The following RFX4 variants were observed in gnomAD, a reference collection of about 807,000 sequenced individuals.
RFX4 encodes the protein regulatory factor X4.
In RFX4, 10 loss-of-function variants were observed where a neutral mutation model predicts 95.0. That is an observed-to-expected ratio of 0.11 (90% CI 0.06 to 0.18). The LOEUF (loss-of-function observed/expected upper bound fraction) is 0.18, where lower values mean the gene tolerates loss of function less well. Ranked by LOEUF, RFX4 falls within the 10% of genes least tolerant of loss-of-function variation. The pLI, the probability that RFX4 is intolerant of heterozygous loss-of-function variation, is 1.00. For missense variants in RFX4, 640 were observed against 922.0 expected (o/e 0.69, Z 3.96); for synonymous variants, 321 against 340.7 (o/e 0.94, Z 0.64).
rs1365040920 is a variant in RFX4 at position 106,720,090 on chromosome 12, C to T, written c.1233+36C>T. 1.3e-6 allele frequency: 2 copies of T among 1,546,546 alleles called. No individual in the cohort carries two copies. The highest frequency in any genetic ancestry group is 2.2e-5 in the South Asian group (2 of 89,710). On this transcript the variant is annotated intron_variant, in intron 12 of 17. Transcript: ENST00000392842. This position sits in a 1 kb window ranked among gnomAD's most constrained non-coding sequence, Gnocchi z 4.2. ...CGGCACCTAGCGGGCAGCCTTGGGCCCTGCAGCCCACCACTGCCCTCTGTG... is the reference window on the plus strand; with the variant it reads ...CGGCACCTAGCGGGCAGCCTTGGGCTCTGCAGCCCACCACTGCCCTCTGTG...
chr12:106,615,990 T>A (rs1314204973), intron 2 of RFX4, among the ~76,000 whole-genome samples: 1 of 152,240 alleles, frequency 6.6e-6, no homozygotes, highest in African/African-American at 2.4e-5. Flanking sequence ...GGTTCTCTAG[T>A]GCAATTTTGA....
intron 1 of RFX4, among the ~76,000 whole-genome samples, chr12:106,587,771 CT>C (rs2039482630): frequency 6.6e-6 from 1 of 152,218 alleles, no homozygotes; most frequent in South Asian, 2.1e-4. Context: ...TTCTCACCCC[CT>C]ATCTCAAACC....
chr12:106,598,529 GT>G (rs1278320858), intron 1 of RFX4, among the ~76,000 whole-genome samples: 5 of 152,172 alleles, frequency 3.3e-5, no homozygotes, highest in African/African-American at 1.2e-4. Flanking sequence ...GGGAAAATAT[GT>G]TTCTCTTTTC....
Position 106,761,337 on chromosome 12 carries a change from T to G in RFX4, c.2076T>G (p.Ser692=), listed in dbSNP as rs764721036. 8.1e-6 allele frequency: 13 copies of G among 1,614,146 alleles called. No individual in the cohort carries two copies. The South Asian group carries it at 1.4e-4, about 18-fold the overall frequency. Reference sequence around the variant, plus strand: ...GCTACACAAGCCCGTCTGTGCATTCTGCGAGGTACGGAAACTCTAGTGACA... The same window carrying G: ...GCTACACAAGCCCGTCTGTGCATTCGGCGAGGTACGGAAACTCTAGTGACA... ...NTCYTSPSVH[S]ARYGNSSDMY... Residue 692 remains serine (S), a synonymous_variant, in exon 18 of 18, where the codon TCT becomes TCG. Coordinates refer to ENST00000392842, the MANE Select transcript of RFX4 (RefSeq NM_213594.3).
chr12:106,654,160 A>C, intron 3 of RFX4, 68 bp from the exon 4 acceptor site: 1 of 1,600,400 alleles, frequency 6.2e-7, no homozygotes, highest in Non-Finnish European at 8.6e-7. Flanking sequence ...GGAGGACTAG[A>C]AAGAACAGAC....
At chr12:106,587,820 C>T (rs1192873655) in intron 1 of RFX4, among the ~76,000 whole-genome samples, 1 of 152,152 alleles carries the variant, frequency 6.6e-6, no homozygotes, top group East Asian at 1.9e-4. Context: ...AAGGTGGGAA[C>T]GGAACGGGAA....
chr12:106,681,807 A>G (rs774230851), intron 4 of RFX4, among the ~76,000 whole-genome samples, 186 bp from the exon 5 acceptor site: 33 of 152,126 alleles, frequency 2.2e-4, no homozygotes, highest in Non-Finnish European at 2.9e-4. Context: ...CCAGAGCCCC[A>G]CAACCATCCA....
chr12:106,711,549 G>A lies in RFX4; in HGVS notation c.993+38G>A, dbSNP rs757163489. On this transcript the variant is annotated intron_variant, in intron 10 of 17. Transcript: ENST00000392842. ...CATTATGTGTTTTAATCACTGCTGA[G>A]TCATTGCAAATGAGGGGGCAAATCC... 15 of 1,588,498 alleles carry A rather than the reference G, an allele frequency of 9.4e-6. No homozygotes were observed. In the Admixed American group the frequency reaches 2.5e-4, roughly 27 times the overall value.
intron 3 of RFX4, among the ~76,000 whole-genome samples, chr12:106,646,641 G>A (rs2040753848): frequency 6.6e-6 from 1 of 152,022 alleles, no homozygotes; most frequent in Admixed American, 6.6e-5. Flanking sequence ...TCAGTCCATT[G>A]CCCCACATCA....
At chr12:106,633,149 C>A (rs911193722) in intron 2 of RFX4, among the ~76,000 whole-genome samples, 6 of 152,188 alleles carry the variant, frequency 3.9e-5, no homozygotes, top group Non-Finnish European at 8.8e-5. Context: ...GGCATTCAGA[C>A]CCTGGGCACA....
At chr12:106,587,750 C>T (rs540574080) in intron 1 of RFX4, among the ~76,000 whole-genome samples, 6 of 152,316 alleles carry the variant, frequency 3.9e-5, no homozygotes, top group African/African-American at 1.4e-4. Flanking sequence ...CGTGGGTCGC[C>T]CAGGGTGAGT....
intron 13 of RFX4, among the ~76,000 whole-genome samples, chr12:106,725,794 A>G (rs1239064645): frequency 6.6e-6 from 1 of 152,206 alleles, no homozygotes; most frequent in Admixed American, 6.5e-5. Context: ...GCATGGTAGA[A>G]ATAAAGACCA....
At chr12:106,585,585 A>C (rs1357537893) in intron 1 of RFX4, 1 of 152,166 alleles carries the variant, frequency 6.6e-6, no homozygotes, top group Non-Finnish European at 1.5e-5. Context: ...AGAGAATTTA[A>C]TCCAATTAGC....
At chr12:106,694,798 G>C (rs967569012) in intron 7 of RFX4, among the ~76,000 whole-genome samples, 15 of 152,212 alleles carry the variant, frequency 9.9e-5, no homozygotes, top group African/African-American at 3.6e-4. Flanking sequence ...ACTTTGGGAG[G>C]CCGAGGCGTG....
intron 5 of RFX4, 28 bp from the exon 6 acceptor site, chr12:106,686,856 T>C: frequency 6.3e-7 from 1 of 1,574,862 alleles, no homozygotes; most frequent in South Asian, 1.1e-5. Flanking sequence ...TTTTTTTCTC[T>C]CTCTCCCTCC....
intron 2 of RFX4, among the ~76,000 whole-genome samples, chr12:106,610,848 G>A (rs1321211212): frequency 6.6e-6 from 1 of 152,108 alleles, no homozygotes; most frequent in Non-Finnish European, 1.5e-5. Context: ...GAAATTGTTG[G>A]ATCATATGGT....
At chr12:106,631,131 G>C (rs796907367) in intron 2 of RFX4, among the ~76,000 whole-genome samples, 1 of 152,332 alleles carries the variant, frequency 6.6e-6, no homozygotes, top group Middle Eastern at 3.4e-3. Context: ...ACTGTTCACT[G>C]TCTAGGGCAG....
intron 4 of RFX4, among the ~76,000 whole-genome samples, chr12:106,679,316 G>A (rs1311406859): frequency 2.6e-5 from 4 of 152,168 alleles, no homozygotes; most frequent in Admixed American, 6.5e-5. Context: ...TTAGCCAGTC[G>A]TGTTGGTGTG....
At chr12:106,674,548 C>A (rs1470535703) in intron 4 of RFX4, among the ~76,000 whole-genome samples, 3 of 152,004 alleles carry the variant, frequency 2.0e-5, no homozygotes, top group African/African-American at 7.3e-5. Context: ...CCAGGCTGGT[C>A]TTGAACTCCT....
Sources: gnomAD v4.1 joint callset for allele counts (sites outside exome capture counted in the v4.1 genomes callset) on GRCh38, gnomAD v4.1.1 for gene constraint, Gnocchi (gnomAD v3.1) non-coding constraint, MANE v1.5 for transcripts, NCBI Gene and HGNC (gene_info 2026-07-23, HGNC 2026-07-21) for gene names.